The following WWP2 variants were observed in gnomAD, a reference collection of about 807,000 sequenced individuals.
WWP2 encodes NEDD4-like E3 ubiquitin-protein ligase WWP2.
A neutral mutation model predicts 121.0 loss-of-function variants in WWP2; 57 were observed. The ratio of observed to expected loss-of-function variants is 0.47; its 90% CI spans 0.38 to 0.59. The LOEUF (loss-of-function observed/expected upper bound fraction) is 0.59, where lower values mean the gene tolerates loss of function less well. Among genes scored for constraint, WWP2 ranks in the 20% least tolerant of loss-of-function variants. WWP2 has a pLI of 0.00. For synonymous variants in WWP2, 449 were observed against 441.3 expected (o/e 1.02, Z -0.22); for missense variants, 962 against 1,158.9 (o/e 0.83, Z 2.47).
intron 11 of WWP2, among the ~76,000 whole-genome samples, chr16:69,927,480 C>T (rs1017655397): frequency 2.4e-4 from 36 of 152,210 alleles, no homozygotes; most frequent in Non-Finnish European, 2.2e-4. Context: ...AAAATGAGGT[C>T]GAGCCAGGTG....
Position 69,799,776 on chromosome 16 carries a change from G to C in WWP2, c.340+481G>C, listed in dbSNP as rs1188256214. Among the ~76,000 whole-genome samples the C allele has an allele frequency of 6.6e-6, 1 of 152,138 alleles. No homozygotes were observed. Among genetic ancestry groups the C allele is most frequent in the East Asian group, 1.9e-4 (1 of 5,198 alleles). ...ACAAATAGTGCCCTGTGCTTACTCG[G>C]CACTCAGTAAACATTTACTGGATGT... On this transcript the variant is annotated intron_variant, in intron 4 of 23. Coordinates refer to ENST00000359154, the MANE Select transcript of WWP2 (RefSeq NM_001270454.2). The surrounding 1 kb of genome is among the most constrained non-coding windows in gnomAD (Gnocchi z 4.5).
chr16:69,901,668 T>C (rs2058207577), intron 8 of WWP2, among the ~76,000 whole-genome samples: 1 of 152,208 alleles, frequency 6.6e-6, no homozygotes, highest in Non-Finnish European at 1.5e-5. Flanking sequence ...GCTTTACTAA[T>C]AATGCCCAGT....
rs563679041 is a variant in WWP2 at position 69,937,485 on chromosome 16, C to T, written c.2239-63C>T. ...AATATGTTTGGGGTAATGTCAAGTG[C>T]TAGCGAGTGGACGATGCGCGGGGAG... On this transcript the variant is annotated intron_variant, in intron 20 of 23. Coordinates refer to ENST00000359154, the MANE Select transcript of WWP2 (RefSeq NM_001270454.2). This position sits in a 1 kb window ranked among gnomAD's most constrained non-coding sequence, Gnocchi z 6.6. 6.4e-7 allele frequency: 1 copy of T among 1,552,856 alleles called. No individual in the cohort carries two copies. The highest frequency in any genetic ancestry group is 2.2e-5 in the East Asian group (1 of 44,550).
At chr16:69,915,187 C>T (rs750843156) in intron 9 of WWP2, among the ~76,000 whole-genome samples, 2 of 152,142 alleles carry the variant, frequency 1.3e-5, no homozygotes, top group Non-Finnish European at 2.9e-5. Context: ...ACACAGAAGA[C>T]GACAAGGAAG....
intron 11 of WWP2, among the ~76,000 whole-genome samples, chr16:69,926,900 G>A (rs989319780): frequency 2.6e-5 from 4 of 152,126 alleles, no homozygotes; most frequent in South Asian, 2.1e-4. Context: ...CATAGAAGCC[G>A]GGGACTTCTA....
At chr16:69,885,974 C>T (rs2057916184) in intron 7 of WWP2, among the ~76,000 whole-genome samples, 1 of 152,118 alleles carries the variant, frequency 6.6e-6, no homozygotes, top group South Asian at 2.1e-4. Flanking sequence ...TAGATGATAT[C>T]TCGAAGAGGG....
At chr16:69,805,317 T>C (rs1437994245) in intron 4 of WWP2, among the ~76,000 whole-genome samples, 1 of 152,138 alleles carries the variant, frequency 6.6e-6, no homozygotes, top group African/African-American at 2.4e-5. Flanking sequence ...ATTACAGACG[T>C]GAGTCACTGC....
chr16:69,813,903 A>G (rs2056442596), intron 4 of WWP2, among the ~76,000 whole-genome samples: 2 of 152,206 alleles, frequency 1.3e-5, no homozygotes, highest in Admixed American at 1.3e-4. Context: ...GGTAAAATTT[A>G]CTATGTGATA....
intron 4 of WWP2, among the ~76,000 whole-genome samples, chr16:69,839,407 C>T (rs1266212815): frequency 6.6e-6 from 1 of 152,146 alleles, no homozygotes; most frequent in Non-Finnish European, 1.5e-5. Flanking sequence ...GTGTATGCAG[C>T]AGTTTCTAGC....
chr16:69,846,689 C>G (rs373243296), intron 6 of WWP2, among the ~76,000 whole-genome samples: 1 of 151,172 alleles, frequency 6.6e-6, no homozygotes. Flanking sequence ...CCACTGCACT[C>G]CAGCTGAGTG....
rs759263594 is a variant in WWP2 at position 69,934,033 on chromosome 16, C to T, written c.1746C>T (p.Ala582=). ...LNPMYCLFEY[A]GKNNYCLQIN... is the part of the protein sequence containing the mutation. ...CTATGTATTGTTTATTTGAATATGC[C>T]GGAAAGAACAATTACTGCCTGCAGA... The change falls in exon 17 of 24, where the codon GCC becomes GCT. Residue 582 remains alanine, a synonymous_variant. Coordinates refer to ENST00000359154, the MANE Select transcript of WWP2 (RefSeq NM_001270454.2). 21 of 1,613,974 alleles carry T rather than the reference C, an allele frequency of 1.3e-5. No homozygotes were observed. Among genetic ancestry groups the T allele is most frequent in the South Asian group, 7.7e-5 (7 of 91,084 alleles).
chr16:69,828,732 C>T (rs560472815), intron 4 of WWP2, among the ~76,000 whole-genome samples: 2 of 152,248 alleles, frequency 1.3e-5, no homozygotes, highest in East Asian at 3.9e-4. Flanking sequence ...AACTCCTCAC[C>T]TCAGGTGATC....
chr16:69,786,696 C>T (rs2055800119), intron 1 of WWP2, among the ~76,000 whole-genome samples: 1 of 151,370 alleles, frequency 6.6e-6, no homozygotes, highest in Non-Finnish European at 1.5e-5. Flanking sequence ...GGTGATCTGG[C>T]CATCTCGGCC....
At chr16:69,908,191 G>A (rs2058324685) in intron 8 of WWP2, among the ~76,000 whole-genome samples, 1 of 152,218 alleles carries the variant, frequency 6.6e-6, no homozygotes, top group Non-Finnish European at 1.5e-5. Context: ...GCTGCAGTGA[G>A]CTGAGATTGT....
intron 8 of WWP2, 90 bp downstream of exon 8, chr16:69,888,339 C>T: frequency 7.4e-7 from 1 of 1,358,976 alleles, no homozygotes; most frequent in Admixed American, 2.4e-5. Context: ...TATTTATTAC[C>T]TAGTGGCTAG....
intron 10 of WWP2, among the ~76,000 whole-genome samples, chr16:69,924,058 G>A (rs115520817): frequency 5.3e-4 from 81 of 152,342 alleles, no homozygotes; most frequent in African/African-American, 1.9e-3. Context: ...CCCCACCTCC[G>A]TGCACTTGCA....
At chr16:69,828,553 A>T (rs2151855612) in intron 4 of WWP2, among the ~76,000 whole-genome samples, 1 of 152,128 alleles carries the variant, frequency 6.6e-6, no homozygotes, top group African/African-American at 2.4e-5. Flanking sequence ...TTTCGTAGAG[A>T]CGGGTTTCTC....
intron 11 of WWP2, among the ~76,000 whole-genome samples, chr16:69,927,091 T>G (rs2133796): frequency 0.37 from 55,848 of 151,914 alleles, 10,860 homozygotes; most frequent in East Asian, 0.74. Flanking sequence ...GAGTCGATAC[T>G]GTTAATGAAC....
intron 8 of WWP2, among the ~76,000 whole-genome samples, chr16:69,902,055 T>C (rs773416819): frequency 6.6e-5 from 10 of 152,252 alleles, no homozygotes; most frequent in Admixed American, 2.0e-4. Context: ...GAAATGTTGA[T>C]TTGGTTCAAA....
Sources: allele counts gnomAD v4.1 joint callset (sites outside exome capture counted in the v4.1 genomes callset), GRCh38; gene constraint gnomAD v4.1.1; non-coding constraint Gnocchi (gnomAD v3.1); transcripts MANE v1.5; gene names NCBI Gene and HGNC (gene_info 2026-07-23, HGNC 2026-07-21).